REDIC1: variants seen among roughly 807,000 people sequenced by gnomAD.
REDIC1 encodes HEI10 Interacting Protein 1.
chr12:39,752,357 GA>G, the REDIC1 span, among the ~76,000 whole-genome samples: 1 of 152,254 alleles, frequency 6.6e-6, no homozygotes, highest in South Asian at 2.1e-4. Flanking sequence ...CAGTCCTTAT[GA>G]GAATTGAATA....
the REDIC1 span, among the ~76,000 whole-genome samples, chr12:39,694,298 A>G: frequency 2.0e-5 from 3 of 152,202 alleles, no homozygotes; most frequent in Non-Finnish European, 2.9e-5. Flanking sequence ...GAGCACTCAT[A>G]GTACCTGGTT....
the REDIC1 span, among the ~76,000 whole-genome samples, chr12:39,895,724 G>A: frequency 1.5e-5 from 2 of 129,478 alleles, no homozygotes; most frequent in African/African-American, 2.8e-5. Context: ...ATATGTATAT[G>A]CGTGTATACG....
At chr12:39,710,363 C>T in the REDIC1 span, among the ~76,000 whole-genome samples, 1 of 151,718 alleles carries the variant, frequency 6.6e-6, no homozygotes, top group Non-Finnish European at 1.5e-5. Context: ...TATTTGAAAG[C>T]CTTCTTGAAA....
chr12:39,888,319 G>A, the REDIC1 span, among the ~76,000 whole-genome samples: 2 of 152,170 alleles, frequency 1.3e-5, no homozygotes, highest in African/African-American at 4.8e-5. Context: ...CCGCTTCCCA[G>A]GTTCAAGCAA....
the REDIC1 span, among the ~76,000 whole-genome samples, chr12:39,739,436 A>G: frequency 2.0e-5 from 3 of 152,328 alleles, no homozygotes; most frequent in East Asian, 3.9e-4. Context: ...CAATGATCAC[A>G]CATTAGAAGA....
the REDIC1 span, among the ~76,000 whole-genome samples, chr12:39,702,359 A>C: frequency 3.3e-5 from 5 of 152,332 alleles, no homozygotes; most frequent in African/African-American, 7.2e-5. Flanking sequence ...TACTCAACAC[A>C]TACACCCTCC....
At chr12:39,719,060 A>G in the REDIC1 span, among the ~76,000 whole-genome samples, 1 of 152,158 alleles carries the variant, frequency 6.6e-6, no homozygotes, top group African/African-American at 2.4e-5. Flanking sequence ...TTCCTTCACA[A>G]GTTTCCTTTT....
chr12:39,829,392 CTTTTTTTTTTTT>C, the REDIC1 span: 3 of 65,796 alleles, frequency 4.6e-5, no homozygotes, highest in East Asian at 1.0e-3. Context: ...GATAGTAATT[CTTTTTTTTTTTT>C]TTTTTTTTTT....
At chr12:39,693,885 A>G in the REDIC1 span, among the ~76,000 whole-genome samples, 1 of 152,162 alleles carries the variant, frequency 6.6e-6, no homozygotes, top group Non-Finnish European at 1.5e-5. Context: ...TGATATATAT[A>G]TATTTCCAAG....
chr12:39,761,098 A>G, the REDIC1 span, among the ~76,000 whole-genome samples: 1 of 151,988 alleles, frequency 6.6e-6, no homozygotes, highest in Non-Finnish European at 1.5e-5. Context: ...TGTGTATGAG[A>G]TGGGGGAAGT....
the REDIC1 span, among the ~76,000 whole-genome samples, chr12:39,766,465 G>A: frequency 6.6e-6 from 1 of 152,058 alleles, no homozygotes; most frequent in Non-Finnish European, 1.5e-5. Flanking sequence ...TTTTGGTGGA[G>A]GGTCTTGCCT....
the REDIC1 span, among the ~76,000 whole-genome samples, chr12:39,897,700 A>G: frequency 6.6e-6 from 1 of 152,152 alleles, no homozygotes; most frequent in Non-Finnish European, 1.5e-5. Flanking sequence ...ATTTGCAATT[A>G]ATTGGCCTAA....
the REDIC1 span, among the ~76,000 whole-genome samples, chr12:39,697,585 G>T: frequency 1.3e-5 from 2 of 152,138 alleles, no homozygotes; most frequent in Non-Finnish European, 2.9e-5. Flanking sequence ...GATATATATA[G>T]AAACAACAGA....
the REDIC1 span, chr12:39,819,665 T>C: frequency 1.3e-5 from 2 of 152,236 alleles, no homozygotes; most frequent in Non-Finnish European, 2.9e-5. Context: ...AATTTTGAAG[T>C]ATGCGTGTGT....
At chr12:39,842,652 A>G in the REDIC1 span, among the ~76,000 whole-genome samples, 1 of 152,070 alleles carries the variant, frequency 6.6e-6, no homozygotes, top group African/African-American at 2.4e-5. Flanking sequence ...AAAATTTACC[A>G]TTTTAACAAT....
At chr12:39,832,796 C>T in the REDIC1 span, among the ~76,000 whole-genome samples, 5 of 152,122 alleles carry the variant, frequency 3.3e-5, no homozygotes, top group Non-Finnish European at 5.9e-5. Context: ...TCTCCTCTAT[C>T]ATTCCATTAT....
At chr12:39,646,246 G>T in the REDIC1 span, 1 of 401,106 alleles carries the variant, frequency 2.5e-6, no homozygotes. Flanking sequence ...ATATGTTTAT[G>T]TAATGAACAT....
chr12:39,741,604 G>T, the REDIC1 span, among the ~76,000 whole-genome samples: 1 of 152,186 alleles, frequency 6.6e-6, no homozygotes, highest in Non-Finnish European at 1.5e-5. Context: ...TAAAAACCCA[G>T]GAAGTCTTGA....
the REDIC1 span, among the ~76,000 whole-genome samples, chr12:39,680,187 A>G: frequency 1.3e-5 from 2 of 152,222 alleles, no homozygotes; most frequent in African/African-American, 2.4e-5. Flanking sequence ...AGCAAAGTAA[A>G]CAGACAACCC....
Sources: gnomAD v4.1 joint callset for allele counts (sites outside exome capture counted in the v4.1 genomes callset) on GRCh38, gnomAD v4.1.1 for gene constraint, MANE v1.5 for transcripts, NCBI Gene and HGNC (gene_info 2026-07-23, HGNC 2026-07-21) for gene names.